The following PRKN variants were observed in gnomAD, a reference collection of about 807,000 sequenced individuals.
PRKN encodes E3 ubiquitin-protein ligase parkin.
A neutral mutation model predicts 59.5 loss-of-function variants in PRKN; 56 were observed. The observed-to-expected ratio is 0.94, with a 90% CI of 0.76 to 1.18. PRKN has a LOEUF of 1.18. Among genes scored for constraint, PRKN ranks in the 50% most tolerant of loss-of-function variants. PRKN has a pLI of 0.00. For missense variants in PRKN, 657 were observed against 596.4 expected (o/e 1.10, Z -1.06); for synonymous variants, 250 against 222.1 (o/e 1.13, Z -1.12).
At chr6:161,801,099 G>A (rs755244395) in intron 6 of PRKN, among the ~76,000 whole-genome samples, 14 of 152,106 alleles carry the variant, frequency 9.2e-5, no homozygotes, top group Non-Finnish European at 1.8e-4. Flanking sequence ...GGGAGGAAAC[G>A]GAGGCCTAGG....
chr6:162,048,044 A>T (rs1306433565), intron 5 of PRKN, among the ~76,000 whole-genome samples: 1 of 152,166 alleles, frequency 6.6e-6, no homozygotes, highest in African/African-American at 2.4e-5. Context: ...TCTTGGAGTT[A>T]TTGTAAGAGG....
At chr6:161,435,866 C>A (rs1464448180) in intron 9 of PRKN, among the ~76,000 whole-genome samples, 1 of 111,408 alleles carries the variant, frequency 9.0e-6, no homozygotes, top group South Asian at 3.4e-4. Context: ...TCAAGGACTG[C>A]CTGGGAGGCC....
intron 1 of PRKN, among the ~76,000 whole-genome samples, chr6:162,604,614 C>T (rs183315619): frequency 2.6e-5 from 4 of 151,468 alleles, no homozygotes; most frequent in Non-Finnish European, 4.4e-5. Context: ...TCATCCCCTA[C>T]ATATGAAGTC....
At chr6:162,475,118 GTGA>G (rs1791938826) in intron 1 of PRKN, among the ~76,000 whole-genome samples, 1 of 152,108 alleles carries the variant, frequency 6.6e-6, no homozygotes, top group Non-Finnish European at 1.5e-5. Flanking sequence ...AAATGATTAT[GTGA>G]TGAATAGCTT....
At position 161,442,646 on chromosome 6, in the gene PRKN, C is replaced by A. The variant is rs1351277104; in HGVS notation, c.1084-55769G>T. 1.3e-5 allele frequency among the ~76,000 whole-genome samples: 2 copies of A among 152,206 alleles called. No individual in the cohort carries two copies. Among genetic ancestry groups the A allele is most frequent in the Non-Finnish European group, 2.9e-5 (2 of 68,044 alleles). On this transcript the variant is annotated intron_variant, in intron 9 of 11. Transcript: ENST00000366898. The surrounding 1 kb of genome is among the most constrained non-coding windows in gnomAD (Gnocchi z 4.6). ...CCTTCGCTGTCTTGGACTGGACGGG[C>A]TGGACTCCCAGCTGAAGGTGGCTTG...
intron 6 of PRKN, among the ~76,000 whole-genome samples, chr6:161,874,244 TATA>T (rs1794528761): frequency 5.1e-5 from 1 of 19,534 alleles, no homozygotes; most frequent in Non-Finnish European, 1.1e-4. Context: ...ATATATAATA[TATA>T]ATATATATTA....
At chr6:162,089,458 G>A (rs1306809374) in intron 4 of PRKN, among the ~76,000 whole-genome samples, 7 of 152,170 alleles carry the variant, frequency 4.6e-5, no homozygotes. Context: ...TTGGCAGAAA[G>A]GGAAATTGGT....
chr6:162,029,340 T>C (rs1417640395), intron 5 of PRKN, among the ~76,000 whole-genome samples: 1 of 152,216 alleles, frequency 6.6e-6, no homozygotes, highest in Non-Finnish European at 1.5e-5. Flanking sequence ...ATACGCAACA[T>C]CAAATATTTA....
chr6:161,657,534 T>C (rs1045663471), intron 7 of PRKN, among the ~76,000 whole-genome samples: 2 of 152,162 alleles, frequency 1.3e-5, no homozygotes, highest in Non-Finnish European at 2.9e-5. Flanking sequence ...TTAAAAATCC[T>C]GCAAACACCT....
At chr6:161,864,913 C>A (rs995665048) in intron 6 of PRKN, among the ~76,000 whole-genome samples, 2 of 152,174 alleles carry the variant, frequency 1.3e-5, no homozygotes, top group African/African-American at 2.4e-5. Flanking sequence ...CCTGGCCTCA[C>A]AAAGTGCTGG....
intron 4 of PRKN, among the ~76,000 whole-genome samples, chr6:162,128,999 T>G (rs1781236361): frequency 6.6e-6 from 1 of 152,180 alleles, no homozygotes; most frequent in African/African-American, 2.4e-5. Flanking sequence ...CCTAATTCAC[T>G]TAAATGGTAA....
At chr6:161,479,365 A>G (rs1370205682) in intron 9 of PRKN, among the ~76,000 whole-genome samples, 1 of 152,254 alleles carries the variant, frequency 6.6e-6, no homozygotes, top group Admixed American at 6.5e-5. Flanking sequence ...ATAAGTAATA[A>G]TAAGTAGTGA....
At chr6:161,614,642 T>C (rs1782619988) in intron 7 of PRKN, among the ~76,000 whole-genome samples, 1 of 152,256 alleles carries the variant, frequency 6.6e-6, no homozygotes, top group Non-Finnish European at 1.5e-5. Context: ...ATTTAAATAG[T>C]TGATATTGTT....
intron 2 of PRKN, among the ~76,000 whole-genome samples, chr6:162,311,077 A>G (rs926938517): frequency 6.6e-6 from 1 of 152,180 alleles, no homozygotes; most frequent in African/African-American, 2.4e-5. Flanking sequence ...TTTTTCCAAC[A>G]AAGCCCTGAC....
At chr6:161,837,480 C>T (rs963314232) in intron 6 of PRKN, among the ~76,000 whole-genome samples, 5 of 151,990 alleles carry the variant, frequency 3.3e-5, no homozygotes, top group South Asian at 4.2e-4. Flanking sequence ...AGTCTTTAGT[C>T]CTGTGAACCT....
intron 5 of PRKN, among the ~76,000 whole-genome samples, chr6:162,000,061 C>T (rs575572287): frequency 7.4e-4 from 113 of 152,080 alleles, no homozygotes; most frequent in Non-Finnish European, 1.3e-3. Flanking sequence ...GACATCTTGG[C>T]TGCTTCCAAG....
At chr6:161,901,459 T>C (rs1412172274) in intron 6 of PRKN, among the ~76,000 whole-genome samples, 2 of 152,080 alleles carry the variant, frequency 1.3e-5, no homozygotes, top group African/African-American at 4.8e-5. Context: ...CTCATTTTCC[T>C]CATGTCCAAA....
At chr6:162,578,236 T>C (rs1780641487) in intron 1 of PRKN, among the ~76,000 whole-genome samples, 2 of 152,104 alleles carry the variant, frequency 1.3e-5, no homozygotes, top group Admixed American at 1.3e-4. Context: ...TACAAAACTA[T>C]GTGATATATA....
At chr6:161,710,901 C>T (rs1240191540) in intron 7 of PRKN, among the ~76,000 whole-genome samples, 1 of 135,184 alleles carries the variant, frequency 7.4e-6, no homozygotes, top group African/African-American at 2.9e-5. Context: ...CCCTTTCCTT[C>T]CTCCTCCCTT....
Sources: allele counts gnomAD v4.1 joint callset (sites outside exome capture counted in the v4.1 genomes callset), GRCh38; gene constraint gnomAD v4.1.1; non-coding constraint Gnocchi (gnomAD v3.1); transcripts MANE v1.5; gene names NCBI Gene and HGNC (gene_info 2026-07-23, HGNC 2026-07-21).